PPARGC1A: variants seen among roughly 807,000 people sequenced by gnomAD.
PPARGC1A encodes peroxisome proliferator-activated receptor gamma coactivator 1-alpha.
Under a neutral mutation model 88.7 loss-of-function variants are expected in PPARGC1A, and 25 were observed. The ratio of observed to expected loss-of-function variants is 0.28; its 90% confidence interval spans 0.21 to 0.39. The LOEUF is 0.39. Among genes scored for constraint, PPARGC1A ranks in the 10% least tolerant of loss-of-function variants. PPARGC1A has a pLI of 1.00. For synonymous variants in PPARGC1A, 363 were observed against 355.6 expected, an observed-to-expected ratio of 1.02 and a Z score of -0.24; for missense variants, 880 against 968.7, an observed-to-expected ratio of 0.91 and a Z score of 1.22.
the PPARGC1A span, among the ~76,000 whole-genome samples, chr4:24,121,896 C>T: frequency 6.6e-6 from 1 of 152,170 alleles, no homozygotes; most frequent in Non-Finnish European, 1.5e-5. Flanking sequence ...ATTTTAGCAT[C>T]TTAACCCTGA....
At chr4:24,464,568 C>T in the PPARGC1A span, among the ~76,000 whole-genome samples, 1 of 152,186 alleles carries the variant, frequency 6.6e-6, no homozygotes, top group African/African-American at 2.4e-5. Flanking sequence ...AACCAACACA[C>T]TTTCTAATAC....
At chr4:24,142,910 G>A in the PPARGC1A span, among the ~76,000 whole-genome samples, 443 of 151,182 alleles carry the variant, frequency 2.9e-3, 2 homozygotes, top group African/African-American at 1.0e-2. Flanking sequence ...TGAGCCTGGC[G>A]CATAGCTGAG....
chr4:24,164,547 C>T, the PPARGC1A span, among the ~76,000 whole-genome samples: 1 of 151,438 alleles, frequency 6.6e-6, no homozygotes, highest in African/African-American at 2.5e-5. Flanking sequence ...CATGGTGCCA[C>T]ATATACATGT....
chr4:24,091,638 G>A, the PPARGC1A span: 1 of 985,174 alleles, frequency 1.0e-6, no homozygotes, highest in African/African-American at 1.7e-5. Flanking sequence ...GGGGCAGACT[G>A]TCATGGAGAA....
At chr4:23,975,087 GT>G in the PPARGC1A span, among the ~76,000 whole-genome samples, 1 of 151,880 alleles carries the variant, frequency 6.6e-6, no homozygotes, top group African/African-American at 2.4e-5. Flanking sequence ...CAAAGATAGG[GT>G]TTTGAGTTTA....
the PPARGC1A span, among the ~76,000 whole-genome samples, chr4:24,049,067 A>G: frequency 2.6e-5 from 4 of 151,780 alleles, no homozygotes; most frequent in Admixed American, 1.3e-4. Context: ...CCACCCCAAG[A>G]AAAACTCTGG....
At chr4:23,835,032 T>C (rs951555701) in intron 2 of PPARGC1A, among the ~76,000 whole-genome samples, 1 of 152,096 alleles carries the variant, frequency 6.6e-6, no homozygotes, top group African/African-American at 2.4e-5. Flanking sequence ...AGTATTCCGT[T>C]TTTCAAAAAG....
At chr4:23,837,207 C>G (rs1203930172) in intron 2 of PPARGC1A, among the ~76,000 whole-genome samples, 1 of 152,048 alleles carries the variant, frequency 6.6e-6, no homozygotes, top group Non-Finnish European at 1.5e-5. Flanking sequence ...AAGAAGGAAA[C>G]AGTGGGGTCT....
chr4:23,878,862 C>T (rs941520821), intron 2 of PPARGC1A, among the ~76,000 whole-genome samples: 13 of 152,190 alleles, frequency 8.5e-5, no homozygotes, highest in African/African-American at 2.7e-4. Flanking sequence ...ATAAGTACAA[C>T]ATAAATTTTT....
the PPARGC1A span, among the ~76,000 whole-genome samples, chr4:24,140,555 T>C: frequency 6.6e-6 from 1 of 152,136 alleles, no homozygotes; most frequent in Non-Finnish European, 1.5e-5. Flanking sequence ...TAGACACCAT[T>C]CTTGGCTCTA....
the PPARGC1A span, among the ~76,000 whole-genome samples, chr4:24,274,163 T>G: frequency 6.6e-6 from 1 of 152,186 alleles, no homozygotes; most frequent in Non-Finnish European, 1.5e-5. Context: ...TTAGTTGGAC[T>G]GATTTTACAG....
At chr4:24,050,048 T>A in the PPARGC1A span, among the ~76,000 whole-genome samples, 1 of 152,162 alleles carries the variant, frequency 6.6e-6, no homozygotes, top group Non-Finnish European at 1.5e-5. Context: ...ATTCTGTGAT[T>A]TTCTGAAGAT....
At chr4:24,372,979 A>G in the PPARGC1A span, among the ~76,000 whole-genome samples, 2 of 152,206 alleles carry the variant, frequency 1.3e-5, no homozygotes, top group Non-Finnish European at 1.5e-5. Context: ...GATCAACACC[A>G]GCCCGGGGGA....
the PPARGC1A span, among the ~76,000 whole-genome samples, chr4:24,463,665 T>A: frequency 6.6e-6 from 1 of 152,176 alleles, no homozygotes; most frequent in African/African-American, 2.4e-5. Flanking sequence ...GATCTAGAAT[T>A]GAAGAGGGTG....
intron 1 of PPARGC1A, among the ~76,000 whole-genome samples, chr4:23,887,084 TA>T (rs1717040930): frequency 6.6e-6 from 1 of 152,210 alleles, no homozygotes; most frequent in African/African-American, 2.4e-5. Context: ...TAACCTTCCA[TA>T]AATATGTATT....
chr4:24,435,418 A>G, the PPARGC1A span, among the ~76,000 whole-genome samples: 1 of 152,190 alleles, frequency 6.6e-6, no homozygotes, highest in Non-Finnish European at 1.5e-5. Context: ...TTTCCCCTGC[A>G]TGGAAGCCCT....
At chr4:23,843,235 G>A (rs1272568025) in intron 2 of PPARGC1A, among the ~76,000 whole-genome samples, 1 of 151,904 alleles carries the variant, frequency 6.6e-6, no homozygotes, top group African/African-American at 2.4e-5. Context: ...TTTCACAGAG[G>A]TCTTAAGCAT....
chr4:23,997,697 G>T, the PPARGC1A span, among the ~76,000 whole-genome samples: 1 of 151,896 alleles, frequency 6.6e-6, no homozygotes, highest in South Asian at 2.1e-4. Context: ...AGACAGGTTT[G>T]CCCAGGGTGG....
At chr4:24,159,110 A>G in the PPARGC1A span, among the ~76,000 whole-genome samples, 554 of 151,854 alleles carry the variant, frequency 3.6e-3, 3 homozygotes, top group South Asian at 9.2e-3. Flanking sequence ...GCATTTATAA[A>G]TGTTGTCTTA....
Sources: gnomAD v4.1 joint callset for allele counts (sites outside exome capture counted in the v4.1 genomes callset) on GRCh38, gnomAD v4.1.1 for gene constraint, MANE v1.5 for transcripts, NCBI Gene and HGNC (gene_info 2026-07-23, HGNC 2026-07-21) for gene names.